The following XIRP2 variants were observed in gnomAD, a reference collection of about 807,000 sequenced individuals.
The protein encoded by XIRP2 is xin actin-binding repeat-containing protein 2.
In XIRP2, 236 loss-of-function variants were observed where a neutral mutation model predicts 277.0. The ratio of observed to expected loss-of-function variants is 0.85; its 90% CI spans 0.77 to 0.95. The LOEUF is 0.95. Ranked by LOEUF, XIRP2 falls within the 40% of genes least tolerant of loss-of-function variation. The pLI, the probability that XIRP2 is intolerant of heterozygous loss-of-function variation, is 0.00. For synonymous variants in XIRP2, 1,490 were observed against 1,416.5 expected, an observed-to-expected ratio of 1.05 and a Z score of -1.17; for missense variants, 4,640 against 4,157.5, an observed-to-expected ratio of 1.12 and a Z score of -3.19.
chr2:167,228,673 G>A (rs1028145043), intron 5 of XIRP2, among the ~76,000 whole-genome samples: 8 of 152,104 alleles, frequency 5.3e-5, no homozygotes, highest in Admixed American at 4.6e-4. Flanking sequence ...AGTGGATAGC[G>A]CAAATATCCA....
chr2:167,147,023 T>A (rs1155282), intron 3 of XIRP2, among the ~76,000 whole-genome samples: 15,139 of 152,192 alleles, frequency 0.099, 817 homozygotes, highest in South Asian at 0.15. Flanking sequence ...TAAATTTTAA[T>A]TTAAGAATGA....
chr2:166,894,652 T>A (rs532416589), intron 1 of XIRP2, among the ~76,000 whole-genome samples: 1 of 152,266 alleles, frequency 6.6e-6, no homozygotes, highest in African/African-American at 2.4e-5. Context: ...AACCTACTTT[T>A]TTCAGCATTG....
At chr2:167,021,283 AT>A (rs1281637506) in intron 2 of XIRP2, among the ~76,000 whole-genome samples, 1 of 152,120 alleles carries the variant, frequency 6.6e-6, no homozygotes, top group Non-Finnish European at 1.5e-5. Flanking sequence ...TTATTGCTCT[AT>A]TTGAAGTGTA....
At chr2:166,969,789 A>C (rs1171983455) in intron 2 of XIRP2, among the ~76,000 whole-genome samples, 1 of 151,974 alleles carries the variant, frequency 6.6e-6, no homozygotes, top group Non-Finnish European at 1.5e-5. Context: ...CCAGAAAGCA[A>C]ATGAAGGGAA....
intron 1 of XIRP2, among the ~76,000 whole-genome samples, chr2:166,902,143 G>T (rs1335192804): frequency 6.6e-6 from 1 of 152,130 alleles, no homozygotes; most frequent in Non-Finnish European, 1.5e-5. Context: ...TCTGCTGTAA[G>T]TATGGAGCTA....
At chr2:166,988,296 C>CT (rs1687068767) in intron 2 of XIRP2, among the ~76,000 whole-genome samples, 1 of 152,146 alleles carries the variant, frequency 6.6e-6, no homozygotes, top group African/African-American at 2.4e-5. Flanking sequence ...TACTAACTGC[C>CT]TGCCAGTATT....
intron 2 of XIRP2, among the ~76,000 whole-genome samples, chr2:167,025,864 T>C (rs1327531923): frequency 6.6e-6 from 1 of 151,998 alleles, no homozygotes; most frequent in African/African-American, 2.4e-5. Flanking sequence ...TGAGGAGAGC[T>C]TTACTTCCAA....
At chr2:166,910,598 G>C (rs537637864) in intron 2 of XIRP2, among the ~76,000 whole-genome samples, 4 of 151,980 alleles carry the variant, frequency 2.6e-5, no homozygotes, top group African/African-American at 9.7e-5. Flanking sequence ...AGGGTTTTTT[G>C]TGTCTCTATT....
At chr2:166,936,675 T>C (rs1685526728) in intron 2 of XIRP2, among the ~76,000 whole-genome samples, 1 of 152,216 alleles carries the variant, frequency 6.6e-6, no homozygotes, top group Admixed American at 6.5e-5. Context: ...AGGGAATCCT[T>C]TCCCCATTGC....
At position 167,135,969 on chromosome 2, in the gene XIRP2, C is replaced by G. The variant is rs772147580; in HGVS notation, c.469C>G (p.Leu157Val). The G allele has an allele frequency of 3.1e-6, 5 of 1,611,952 alleles. No individual in the cohort carries two copies. In the Admixed American group the frequency reaches 8.4e-5, roughly 27 times the overall value. The stretch of plus-strand genomic sequence containing the variant: ...TTTTAAGAGTCACCCTGGGAGCCAG[C>G]TGGAGGATTCTGTGAAAGATTCAGA... ...PAFKSHPGSQLEDSVKDSDKK... is the reference protein window; with the variant it reads ...PAFKSHPGSQVEDSVKDSDKK... The change falls in exon 3 of 11, where the codon CTG becomes GTG. Residue 157 changes from leucine (L) to valine (V), a missense_variant. Physicochemically the swap from Leu to Val is conservative, Grantham distance 32. Transcript: ENST00000409195.
Position 167,246,196 on chromosome 2 carries a change from AG to A in XIRP2, c.4807del (p.Ala1603LeufsTer6). On this transcript the variant is annotated frameshift_variant, in exon 9 of 11. Coordinates refer to ENST00000409195, the MANE Select transcript of XIRP2 (RefSeq NM_152381.6). LOFTEE classifies it high-confidence loss of function. ...TGAGATACAGAAAGAAGAAATTATCAGGGCTGATCTCAGAAATATAATGGTG... is the reference window on the plus strand; with the variant it reads ...TGAGATACAGAAAGAAGAAATTATCAGGCTGATCTCAGAAATATAATGGTG... Reference protein sequence around the residue: ...SPEIQKEEIIRADLRNIMVNL... With the variant: ...SPEIQKEEIIXADLRNIMVNL... 1 of 1,612,296 alleles carries A rather than the reference AG, an allele frequency of 6.2e-7. No homozygotes were observed. The highest frequency in any genetic ancestry group is 1.7e-4 in the Middle Eastern group (1 of 6,042).
At chr2:166,965,868 G>T (rs2105413536) in intron 2 of XIRP2, among the ~76,000 whole-genome samples, 1 of 151,500 alleles carries the variant, frequency 6.6e-6, no homozygotes, top group South Asian at 2.1e-4. Context: ...TTATAGATGT[G>T]AGACACCATG....
chr2:167,013,034 C>G (rs1045817358), intron 2 of XIRP2, among the ~76,000 whole-genome samples: 3 of 151,284 alleles, frequency 2.0e-5, no homozygotes, highest in African/African-American at 7.3e-5. Flanking sequence ...AATTTATCAA[C>G]CATCCTCCTT....
chr2:166,985,480 G>A (rs190825957), intron 2 of XIRP2, among the ~76,000 whole-genome samples: 7 of 151,514 alleles, frequency 4.6e-5, no homozygotes, highest in African/African-American at 1.5e-4. Flanking sequence ...GCCCAGGCTG[G>A]AGTGCAGTGG....
intron 2 of XIRP2, among the ~76,000 whole-genome samples, chr2:166,908,902 G>A (rs1574068941): frequency 6.6e-6 from 1 of 152,072 alleles, no homozygotes; most frequent in Non-Finnish European, 1.5e-5. Flanking sequence ...GTTTTTGTCA[G>A]GTTTGTCAAA....
At chr2:166,896,094 T>G (rs995803733) in intron 1 of XIRP2, among the ~76,000 whole-genome samples, 13 of 152,224 alleles carry the variant, frequency 8.5e-5, no homozygotes, top group Admixed American at 4.6e-4. Context: ...TACAGTTATA[T>G]GCCACATAAC....
chr2:167,110,117 G>A (rs759935963), intron 2 of XIRP2, among the ~76,000 whole-genome samples: 16 of 152,022 alleles, frequency 1.1e-4, no homozygotes, highest in East Asian at 1.9e-4. Flanking sequence ...CTCCTATTCC[G>A]TAAGTTGTCT....
chr2:167,075,911 A>G (rs994428290), intron 2 of XIRP2, among the ~76,000 whole-genome samples: 9 of 151,950 alleles, frequency 5.9e-5, no homozygotes, highest in Non-Finnish European at 1.2e-4. Context: ...TCTGGTCTCA[A>G]GTGATCCGCT....
chr2:167,021,283 A>G (rs1456186736), intron 2 of XIRP2, among the ~76,000 whole-genome samples: 2 of 152,120 alleles, frequency 1.3e-5, no homozygotes, highest in Non-Finnish European at 2.9e-5. Context: ...TTATTGCTCT[A>G]TTTGAAGTGT....
Sources: allele counts gnomAD v4.1 joint callset (sites outside exome capture counted in the v4.1 genomes callset), GRCh38; gene constraint gnomAD v4.1.1; transcripts MANE v1.5; gene names NCBI Gene and HGNC (gene_info 2026-07-23, HGNC 2026-07-21).